Variants in RASAL2 observed in about 807,000 individuals in gnomAD.
RASAL2 encodes RAS protein activator like 2, also known as ras GTPase-activating protein nGAP.
RASAL2 carries 58 observed loss-of-function variants against 128.9 expected under a neutral mutation model. The observed-to-expected ratio is 0.45, with a 90% CI of 0.36 to 0.56. The LOEUF (loss-of-function observed/expected upper bound fraction) is 0.56. Among genes scored for constraint, RASAL2 ranks in the 20% least tolerant of loss-of-function variants. RASAL2 has a pLI of 0.00. For missense variants in RASAL2, 1,360 were observed against 1,601.6 expected, an observed-to-expected ratio of 0.85 and a Z score of 2.57; for synonymous variants, 561 against 580.8, an observed-to-expected ratio of 0.97 and a Z score of 0.49.
At chr1:178,185,150 G>C (rs967734865) in intron 1 of RASAL2, among the ~76,000 whole-genome samples, 13 of 149,446 alleles carry the variant, frequency 8.7e-5, no homozygotes, top group African/African-American at 3.0e-4. Flanking sequence ...GTTGTTTGTT[G>C]CTGGCATAAA....
At chr1:178,258,043 C>G (rs1014341558) in intron 1 of RASAL2, among the ~76,000 whole-genome samples, 11 of 151,534 alleles carry the variant, frequency 7.3e-5, no homozygotes, top group South Asian at 2.1e-4. Context: ...ACCTGTAATC[C>G]CAGCACTTTG....
chr1:178,233,796 C>T (rs529185970), intron 1 of RASAL2, among the ~76,000 whole-genome samples: 5 of 152,236 alleles, frequency 3.3e-5, no homozygotes, highest in East Asian at 3.9e-4. Context: ...ATATTTCATC[C>T]GTGGCATTTT....
chr1:178,096,669 G>C (rs1658699977), intron 1 of RASAL2, among the ~76,000 whole-genome samples: 2 of 151,868 alleles, frequency 1.3e-5, no homozygotes, highest in Middle Eastern at 3.4e-3. Flanking sequence ...ATATGTGTGT[G>C]ACACACACAT....
At chr1:178,355,642 A>C (rs1251633677) in intron 3 of RASAL2, among the ~76,000 whole-genome samples, 3 of 152,238 alleles carry the variant, frequency 2.0e-5, no homozygotes, top group East Asian at 3.8e-4. Flanking sequence ...AATGTTTATT[A>C]ATATTAATAA....
chr1:178,407,061 GAAC>G (rs953924022), intron 4 of RASAL2, among the ~76,000 whole-genome samples: 14 of 152,106 alleles, frequency 9.2e-5, no homozygotes, highest in African/African-American at 3.4e-4. Context: ...TGTGCTAGAA[GAAC>G]AATTGTGATT....
At chr1:178,468,907 A>G (rs1185835964) in intron 17 of RASAL2, among the ~76,000 whole-genome samples, 1 of 152,244 alleles carries the variant, frequency 6.6e-6, no homozygotes, top group Non-Finnish European at 1.5e-5. Context: ...CAATATAACA[A>G]TATAAAGCAA....
intron 2 of RASAL2, among the ~76,000 whole-genome samples, chr1:178,291,899 G>A (rs568136430): frequency 6.6e-6 from 1 of 152,152 alleles, no homozygotes; most frequent in Non-Finnish European, 1.5e-5. Context: ...GCTGGACATG[G>A]TGTCGGGTGC....
chr1:178,209,791 A>G (rs182768855), intron 1 of RASAL2, among the ~76,000 whole-genome samples: 2 of 152,046 alleles, frequency 1.3e-5, no homozygotes, highest in East Asian at 3.9e-4. Context: ...TCAGTCTCCT[A>G]GACTATGTAT....
intron 1 of RASAL2, among the ~76,000 whole-genome samples, chr1:178,271,606 T>TGACTTTATCTGACTTTATCA (rs1294929819): frequency 1.3e-5 from 2 of 152,262 alleles, no homozygotes; most frequent in Non-Finnish European, 2.9e-5. Flanking sequence ...TGACTAGATG[T>TGACTTTATCTGACTTTATCA]GACCCAAACT....
chr1:178,250,769 C>CA (rs1419007421), intron 1 of RASAL2, among the ~76,000 whole-genome samples: 1 of 152,174 alleles, frequency 6.6e-6, no homozygotes, highest in African/African-American at 2.4e-5. Context: ...CACTTATAAG[C>CA]AAACACCTTA....
intron 1 of RASAL2, among the ~76,000 whole-genome samples, chr1:178,183,127 C>T (rs1558100966): frequency 6.6e-6 from 1 of 152,100 alleles, no homozygotes; most frequent in Non-Finnish European, 1.5e-5. Flanking sequence ...AGTTAGGGAC[C>T]CCTGAACTAG....
At chr1:178,432,905 C>A (rs1572063748) in intron 5 of RASAL2, among the ~76,000 whole-genome samples, 1 of 152,074 alleles carries the variant, frequency 6.6e-6, no homozygotes. Flanking sequence ...TCTTTTTCCA[C>A]TCCTTAGCCA....
intron 1 of RASAL2, among the ~76,000 whole-genome samples, chr1:178,159,455 G>A (rs1232453466): frequency 1.3e-5 from 2 of 152,176 alleles, no homozygotes; most frequent in Non-Finnish European, 2.9e-5. Flanking sequence ...TCTGCATACA[G>A]CGTAGCAGTT....
intron 4 of RASAL2, among the ~76,000 whole-genome samples, chr1:178,416,514 AAAAT>A (rs1183152593): frequency 3.9e-5 from 6 of 152,110 alleles, no homozygotes; most frequent in African/African-American, 1.2e-4. Flanking sequence ...ATTAAGAAGA[AAAAT>A]AAAAGGTGGT....
chr1:178,423,880 C>T (rs371603080), intron 5 of RASAL2, among the ~76,000 whole-genome samples: 10 of 152,070 alleles, frequency 6.6e-5, no homozygotes, highest in African/African-American at 4.8e-5. Context: ...TTTATTACTA[C>T]GGATAGTAAG....
chr1:178,431,747 A>G (rs898533114), intron 5 of RASAL2, among the ~76,000 whole-genome samples: 3 of 151,924 alleles, frequency 2.0e-5, no homozygotes, highest in Admixed American at 6.6e-5. Context: ...GAGACAAAGT[A>G]TATCTGTAGG....
At chr1:178,312,892 A>C (rs931824561) in intron 3 of RASAL2, among the ~76,000 whole-genome samples, 8 of 152,224 alleles carry the variant, frequency 5.3e-5, no homozygotes, top group African/African-American at 1.7e-4. Flanking sequence ...TTTTTATCAT[A>C]TTGGGCACTT....
At chr1:178,397,772 ATT>A (rs11358360) in intron 4 of RASAL2, among the ~76,000 whole-genome samples, 10,073 of 142,368 alleles carry the variant, frequency 0.071, 1,103 homozygotes, top group African/African-American at 0.24. Flanking sequence ...TACCTGGCTA[ATT>A]TTTTTTTTTT....
At chr1:178,253,146 C>A (rs1243738893) in intron 1 of RASAL2, among the ~76,000 whole-genome samples, 1 of 152,084 alleles carries the variant, frequency 6.6e-6, no homozygotes, top group African/African-American at 2.4e-5. Flanking sequence ...TGGTTGCTGA[C>A]AGTCTTTGGT....
Sources: gnomAD v4.1 joint callset for allele counts (sites outside exome capture counted in the v4.1 genomes callset) on GRCh38, gnomAD v4.1.1 for gene constraint, MANE v1.5 for transcripts, NCBI Gene and HGNC (gene_info 2026-07-23, HGNC 2026-07-21) for gene names.